Variants in RTTN observed in about 807,000 individuals in gnomAD.
The protein encoded by RTTN is rotatin.
Under a neutral mutation model 269.2 loss-of-function variants are expected in RTTN, and 182 were observed. The observed-to-expected ratio is 0.68, with a 90% CI of 0.60 to 0.76. The LOEUF (loss-of-function observed/expected upper bound fraction) is 0.76, where lower values mean the gene tolerates loss of function less well. Among genes scored for constraint, RTTN ranks in the 30% least tolerant of loss-of-function variants. RTTN has a pLI of 0.00. For synonymous variants in RTTN, 1,006 were observed against 963.5 expected, an observed-to-expected ratio of 1.04 and a Z score of -0.82; for missense variants, 2,545 against 2,608.6, an observed-to-expected ratio of 0.98 and a Z score of 0.53.
rs1372011815 is a variant in RTTN at position 70,201,536 on chromosome 18, A to G, written c.487+358T>C. 3.5e-3 allele frequency among the ~76,000 whole-genome samples: 439 copies of G among 126,160 alleles called. 3 individuals are homozygous for G. Among genetic ancestry groups the G allele is most frequent in the South Asian group, 0.024 (85 of 3,548 alleles). The allele number at this position is 126,160 out of a possible 152,430, so 82.8% of individuals were successfully genotyped here. Reference sequence around the variant, plus strand: ...GGCAGGAGAATGGCGTGAACCCGGGAGGCGGAGCTTGCAGTGAGCCGAGAT... The same window carrying G: ...GGCAGGAGAATGGCGTGAACCCGGGGGGCGGAGCTTGCAGTGAGCCGAGAT... On this transcript the variant is annotated intron_variant, in intron 4 of 48. Coordinates refer to ENST00000640769, the MANE Select transcript of RTTN (RefSeq NM_173630.4).
chr18:70,051,746 C>A (rs1480061709), intron 38 of RTTN, among the ~76,000 whole-genome samples, 198 bp from the exon 39 acceptor site: 1 of 151,990 alleles, frequency 6.6e-6, no homozygotes, highest in Non-Finnish European at 1.5e-5. Flanking sequence ...AAGATATCTC[C>A]CCTCCACCCT....
intron 10 of RTTN, among the ~76,000 whole-genome samples, chr18:70,177,264 T>C (rs2061325713): frequency 6.6e-6 from 1 of 152,178 alleles, no homozygotes; most frequent in Non-Finnish European, 1.5e-5. Context: ...GAAAGAACAA[T>C]GCATTAGTAC....
At chr18:70,065,329 T>G (rs1056947079) in intron 35 of RTTN, among the ~76,000 whole-genome samples, 6 of 149,244 alleles carry the variant, frequency 4.0e-5, no homozygotes, top group Admixed American at 4.0e-4. Context: ...TGGAAGCAGT[T>G]CCCAGCACAA....
chr18:70,026,542 G>A lies in RTTN; in HGVS notation c.5824-1694C>T, dbSNP rs186480765. Among the ~76,000 whole-genome samples, 728 of 152,212 alleles carry A rather than the reference G, an allele frequency of 4.8e-3. 5 individuals are homozygous for A. Among genetic ancestry groups the A allele is most frequent in the Non-Finnish European group, 9.0e-3 (612 of 68,018 alleles). On this transcript the variant is annotated intron_variant, in intron 43 of 48. Transcript: ENST00000640769. Reference sequence around the variant, plus strand: ...GAAGTTTCCTGAGGCCTCCCCAGAAGCAGACGCCACTGTGCTTCCTCTATA... The same window carrying A: ...GAAGTTTCCTGAGGCCTCCCCAGAAACAGACGCCACTGTGCTTCCTCTATA...
At chr18:70,158,156 T>G (rs1157792220) in intron 14 of RTTN, among the ~76,000 whole-genome samples, 2 of 151,716 alleles carry the variant, frequency 1.3e-5, no homozygotes, top group African/African-American at 4.8e-5. Context: ...CATCAGATTC[T>G]CCAAGGTCAA....
At chr18:70,032,070 CAG>C (rs2057029715) in intron 40 of RTTN, among the ~76,000 whole-genome samples, 1 of 152,196 alleles carries the variant, frequency 6.6e-6, no homozygotes, top group Admixed American at 6.5e-5. Context: ...GGGCAGAGCC[CAG>C]AGAGTTTGGT....
chr18:70,197,539 C>T, intron 6 of RTTN, 85 bp downstream of exon 6: 2 of 792,506 alleles, frequency 2.5e-6, no homozygotes. Flanking sequence ...AAAGTTCCTT[C>T]CCAAGAACTC....
chr18:70,062,426 C>T (rs575762299), intron 35 of RTTN, among the ~76,000 whole-genome samples: 27 of 152,190 alleles, frequency 1.8e-4, no homozygotes, highest in Admixed American at 7.9e-4. Context: ...TCCAGCTGTT[C>T]CTTCCTGTTT....
At chr18:70,185,221 A>T (rs1335889135) in intron 10 of RTTN, among the ~76,000 whole-genome samples, 1 of 152,140 alleles carries the variant, frequency 6.6e-6, no homozygotes, top group Admixed American at 6.5e-5. Context: ...AAAGATATAA[A>T]ACCTAAAACA....
chr18:70,059,127 G>A (rs2057904504), intron 36 of RTTN, among the ~76,000 whole-genome samples: 1 of 151,878 alleles, frequency 6.6e-6, no homozygotes, highest in Admixed American at 6.6e-5. Context: ...TACTTAAGGG[G>A]GTATCCTAGA....
intron 46 of RTTN, among the ~76,000 whole-genome samples, chr18:70,014,672 T>C (rs906630981): frequency 6.6e-6 from 1 of 152,158 alleles, no homozygotes; most frequent in African/African-American, 2.4e-5. Flanking sequence ...CTCACATTTT[T>C]TTTTTCCTTT....
chr18:70,055,723 C>T (rs952768689), intron 37 of RTTN, among the ~76,000 whole-genome samples: 3 of 152,082 alleles, frequency 2.0e-5, no homozygotes, highest in Non-Finnish European at 2.9e-5. Context: ...ATAGAGAAAA[C>T]GCTGAATTGC....
At position 70,025,986 on chromosome 18, in the gene RTTN, T is replaced by G. The variant is rs145344790; in HGVS notation, c.5824-1138A>C. 3.4e-3 allele frequency among the ~76,000 whole-genome samples: 511 copies of G among 152,328 alleles called. 7 individuals are homozygous for G. The highest frequency in any genetic ancestry group is 7.4e-3 in the Admixed American group (113 of 15,302). On this transcript the variant is annotated intron_variant, in intron 43 of 48. Transcript: ENST00000640769. Reference sequence around the variant, plus strand: ...TTTCTGTGCCTGTATTCAAGTAGTTTACGTGTTAAGAGAAACAAACATACT... The same window carrying G: ...TTTCTGTGCCTGTATTCAAGTAGTTGACGTGTTAAGAGAAACAAACATACT...
At position 70,121,701 on chromosome 18, in the gene RTTN, C is replaced by G; in HGVS notation, c.3384-1G>C. The G allele has an allele frequency of 6.5e-7, 1 of 1,538,236 alleles. No homozygotes were observed. The highest frequency in any genetic ancestry group is 8.7e-7 in the Non-Finnish European group (1 of 1,148,624). On this transcript the variant is annotated splice_acceptor_variant, in intron 25 of 48. Transcript: ENST00000640769. LOFTEE classifies it high-confidence loss of function. ...GCAAGCAGGAAGCACCTGTAAAAAC[C>G]TATAATGAAAAGACAATAATCATGG...
Position 70,030,929 on chromosome 18 carries a change from G to T in RTTN, c.5594C>A (p.Ala1865Glu). Residue 1865 changes from alanine (A) to glutamate (E), a missense_variant, in exon 41 of 49, where the codon GCA becomes GAA. Physicochemically the swap from Ala to Glu is moderately radical, Grantham distance 107 (BLOSUM62 -1). Coordinates refer to ENST00000640769, the MANE Select transcript of RTTN (RefSeq NM_173630.4). ...KDILKRVAANALMSLLAVSRR... is the reference protein window; with the variant it reads ...KDILKRVAANELMSLLAVSRR... ...ACTGACAGCCAGCAGTGACATCAATGCATTTGCAGCTACTCTTTTCAGGAT... is the reference window on the plus strand; with the variant it reads ...ACTGACAGCCAGCAGTGACATCAATTCATTTGCAGCTACTCTTTTCAGGAT... 1 of 1,613,672 alleles carries T rather than the reference G, an allele frequency of 6.2e-7. No homozygotes were observed. Among genetic ancestry groups the T allele is most frequent in the Non-Finnish European group, 8.5e-7 (1 of 1,179,864 alleles).
chr18:70,099,846 C>T (rs2059110493), intron 28 of RTTN, among the ~76,000 whole-genome samples: 1 of 152,138 alleles, frequency 6.6e-6, no homozygotes, highest in East Asian at 1.9e-4. Flanking sequence ...GAATGCTTTC[C>T]CCATTTCTTC....
intron 9 of RTTN, among the ~76,000 whole-genome samples, chr18:70,188,635 A>G (rs749546067): frequency 1.3e-5 from 2 of 152,240 alleles, no homozygotes; most frequent in Admixed American, 6.5e-5. Flanking sequence ...ATAAATTAGT[A>G]TTTTCCCACA....
At chr18:70,053,677 A>G (rs778067214) in intron 38 of RTTN, among the ~76,000 whole-genome samples, 9 of 152,234 alleles carry the variant, frequency 5.9e-5, no homozygotes, top group Non-Finnish European at 1.3e-4. Context: ...TAAGCATTAC[A>G]TTCAACTTTT....
chr18:70,015,787 C>G (rs2056520623), intron 46 of RTTN, among the ~76,000 whole-genome samples: 1 of 151,848 alleles, frequency 6.6e-6, no homozygotes, highest in South Asian at 2.1e-4. Flanking sequence ...AAAAGCTTGA[C>G]CTTTTTCCAA....
Sources: gnomAD v4.1 joint callset for allele counts (sites outside exome capture counted in the v4.1 genomes callset) on GRCh38, gnomAD v4.1.1 for gene constraint, MANE v1.5 for transcripts, NCBI Gene and HGNC (gene_info 2026-07-23, HGNC 2026-07-21) for gene names.